ELF1: variants seen among roughly 807,000 people sequenced by gnomAD.
ELF1 encodes the protein ETS-related transcription factor Elf-1.
Under a neutral mutation model 59.9 loss-of-function variants are expected in ELF1, and 24 were observed. The ratio of observed to expected loss-of-function variants is 0.40; its 90% CI spans 0.29 to 0.56. ELF1 has a LOEUF of 0.56. ELF1 is among the 20% of genes least tolerant of loss of function. The probability of loss-of-function intolerance (pLI) is 0.44; values close to 1 mark genes in which losing one functional copy is unlikely to be tolerated. For missense variants in ELF1, 627 were observed against 742.2 expected (o/e 0.84, Z 1.80); for synonymous variants, 248 against 266.2 (o/e 0.93, Z 0.67).
chr13:40,959,482 T>A (rs535565204), intron 2 of ELF1, among the ~76,000 whole-genome samples: 1 of 152,108 alleles, frequency 6.6e-6, no homozygotes, highest in East Asian at 1.9e-4. Flanking sequence ...GGTGACAGAG[T>A]GAGGCTCCTT....
At chr13:41,001,189 C>T (rs567744055) in intron 1 of ELF1, among the ~76,000 whole-genome samples, 22 of 152,172 alleles carry the variant, frequency 1.4e-4, no homozygotes, top group African/African-American at 5.1e-4. Flanking sequence ...GTTGGCCAGG[C>T]TGGTCTTGAA....
Position 40,933,546 on chromosome 13 carries a change from T to C in ELF1, c.1739A>G (p.Glu580Gly), listed in dbSNP as rs753290056. ...EKKESEDHLK[E>G]NTEKTEQQPQ... is the part of the protein sequence containing the mutation. ...CTGCTGCTCCGTTTTCTCAGTGTTC[T>C]CTTTCAAATGATCTTCAGATTCCTT... The change falls in exon 9 of 9, where the codon GAG (glutamate) becomes GGG (glycine). Residue 580 changes from glutamate to glycine, a missense_variant. Around this residue, in one of 3 missense-constraint regions of ELF1, gnomAD observed 361 missense variants for 396.1 expected, o/e 0.91. Coordinates refer to ENST00000239882, the MANE Select transcript of ELF1 (RefSeq NM_172373.4). The C allele has an allele frequency of 1.2e-6, 2 of 1,614,154 alleles. No homozygotes were observed. Among genetic ancestry groups the C allele is most frequent in the East Asian group, 2.2e-5 (1 of 44,906 alleles).
chr13:40,947,035 T>C (rs1434468794), intron 5 of ELF1, among the ~76,000 whole-genome samples: 1 of 151,894 alleles, frequency 6.6e-6, no homozygotes, highest in African/African-American at 2.4e-5. Flanking sequence ...GTACCAATCG[T>C]ATATTGTTTT....
At position 41,055,986 on chromosome 13, in the gene ELF1, T is replaced by C. The variant is rs189096079; in HGVS notation, c.-229+4852A>G. ...AATATTCTATATGCTTTTTATTGCTTCAATCCCTTTTAAGAGTTTAGTCGA... is the reference window on the plus strand; with the variant it reads ...AATATTCTATATGCTTTTTATTGCTCCAATCCCTTTTAAGAGTTTAGTCGA... On this transcript the variant is annotated intron_variant, in intron 1 of 1. Coordinates refer to the ELF1 transcript ENST00000405737. Among the ~76,000 whole-genome samples, 5 of 152,352 alleles carry C rather than the reference T, an allele frequency of 3.3e-5. No individual in the cohort carries two copies. The East Asian group carries it at 7.7e-4, about 23-fold the overall frequency.
rs9562248 is a variant in ELF1 at position 40,941,232 on chromosome 13, T to A, written c.945A>T (p.Leu315=). The stretch of plus-strand genomic sequence containing the variant: ...TCCTATTTGAAGTGGCTGATGAAGA[T>A]AGCGATGGATCTGAAGACTCTATGC... The part of the protein sequence containing the change: ...SSSIESSDPS[L]SSSATSNRNQ... The change falls in exon 8 of 9, where the codon CTA becomes CTT. Residue 315 remains leucine, a synonymous_variant. Coordinates refer to ENST00000239882, the MANE Select transcript of ELF1 (RefSeq NM_172373.4). 1.2e-6 allele frequency: 2 copies of A among 1,614,180 alleles called. No homozygotes were observed. The highest frequency in any genetic ancestry group is 2.7e-5 in the African/African-American group (2 of 75,046).
At chr13:40,948,264 T>G (rs1347696439) in intron 5 of ELF1, among the ~76,000 whole-genome samples, 1 of 152,218 alleles carries the variant, frequency 6.6e-6, no homozygotes, top group African/African-American at 2.4e-5. Context: ...CCAGAATTTC[T>G]CCACTCAGAG....
At chr13:41,052,693 G>A (rs1210639364) in intron 1 of ELF1, among the ~76,000 whole-genome samples, 1 of 152,042 alleles carries the variant, frequency 6.6e-6, no homozygotes, top group African/African-American at 2.4e-5. Context: ...TCCAGCCTGG[G>A]AGACAGAGAG....
intron 2 of ELF1, among the ~76,000 whole-genome samples, chr13:40,968,721 C>CTTTTTTTTT (rs35089615): frequency 7.3e-6 from 1 of 137,378 alleles, no homozygotes; most frequent in African/African-American, 2.7e-5. Context: ...TTTCTATATT[C>CTTTTTTTTT]TTTTTTTTTT....
At chr13:41,022,585 C>G (rs995711352), upstream of ELF1, among the ~76,000 whole-genome samples, 9 of 152,094 alleles carry the variant, frequency 5.9e-5, no homozygotes, top group Non-Finnish European at 1.0e-4. Flanking sequence ...CTGATTTTAA[C>G]AAAAAGAAAT....
chr13:40,945,969 A>C (rs1379472919), intron 5 of ELF1, among the ~76,000 whole-genome samples: 1 of 152,042 alleles, frequency 6.6e-6, no homozygotes, highest in South Asian at 2.1e-4. Context: ...TCAGCCTCCC[A>C]AGTAGCTGGG....
In ELF1 at chr13:40,940,386, GAA is replaced by G. The variant is rs375400990; in HGVS notation, c.1256+533_1256+534del. On this transcript the variant is annotated intron_variant, in intron 8 of 8. Transcript: ENST00000239882. Reference sequence around the variant, plus strand: ...GCTCTGAGGCAAATCTGATTTAACTGAAAAAAAAAAAAAAAAAAAAAAAAAAA... The same window carrying G: ...GCTCTGAGGCAAATCTGATTTAACTGAAAAAAAAAAAAAAAAAAAAAAAAA... Among the ~76,000 whole-genome samples the G allele has an allele frequency of 7.6e-3, 831 of 109,294 alleles. 13 individuals are homozygous for G. In the East Asian group the frequency reaches 0.11, roughly 15 times the overall value. 71.7% of individuals were successfully genotyped at this position (109,294 alleles called of 152,430 possible).
At chr13:41,060,734 A>G (rs142871021) in intron 1 of ELF1, 62 of 166,396 alleles carry the variant, frequency 3.7e-4, no homozygotes, top group Non-Finnish European at 1.2e-4. Flanking sequence ...AAAATAAGGA[A>G]GCGTTCCCAT....
chr13:41,008,381 T>C (rs1023648608), intron 1 of ELF1, among the ~76,000 whole-genome samples: 2 of 152,156 alleles, frequency 1.3e-5, no homozygotes, highest in Non-Finnish European at 2.9e-5. Context: ...TTGTCACCAA[T>C]TATAAAATGC....
At chr13:40,965,812 ATTCT>A (rs1872141874) in intron 2 of ELF1, among the ~76,000 whole-genome samples, 1 of 152,234 alleles carries the variant, frequency 6.6e-6, no homozygotes, top group Non-Finnish European at 1.5e-5. Flanking sequence ...ATCTAATTAA[ATTCT>A]ACTGGTGCTT....
chr13:41,034,747 T>C (rs368145238), intron 1 of ELF1, among the ~76,000 whole-genome samples: 1 of 151,636 alleles, frequency 6.6e-6, no homozygotes, highest in Non-Finnish European at 1.5e-5. Context: ...GAATAATTTA[T>C]TTTTAAAGGA....
rs1870156286 is a variant in ELF1 at position 40,941,276 on chromosome 13, C to G, written c.901G>C (p.Asp301His). 6.2e-7 allele frequency: 1 copy of G among 1,614,144 alleles called. No homozygotes were observed. Among genetic ancestry groups the G allele is most frequent in the Non-Finnish European group, 8.5e-7 (1 of 1,180,006 alleles). Residue 301 changes from aspartate to histidine, a missense_variant, in exon 8 of 9, where the codon GAT becomes CAT. Coordinates refer to ENST00000239882, the MANE Select transcript of ELF1 (RefSeq NM_172373.4). Reference sequence around the variant, plus strand: ...TCTATGCTGGAACTTGGATCCTCATCATTTATATATATAAGATCTTTTGGC... The same window carrying G: ...TCTATGCTGGAACTTGGATCCTCATGATTTATATATATAAGATCTTTTGGC... ...EMPKDLIYIN[D>H]EDPSSSIESS...
intron 1 of ELF1, among the ~76,000 whole-genome samples, chr13:40,994,798 TAACTTGCAAGTAAACTGTTTC>T (rs1308651889): frequency 6.6e-6 from 1 of 152,228 alleles, no homozygotes; most frequent in East Asian, 1.9e-4. Flanking sequence ...AAACAAGATT[TAACTTGCAAGTAAACTGTTTC>T]ATTTCTGTGA....
chr13:40,935,307 T>C (rs150059242), intron 8 of ELF1, among the ~76,000 whole-genome samples: 2 of 152,332 alleles, frequency 1.3e-5, no homozygotes, highest in Admixed American at 1.3e-4. Context: ...TGAAAGATAC[T>C]TGCTATTTCA....
chr13:40,939,690 G>C (rs1337186461), intron 8 of ELF1, among the ~76,000 whole-genome samples: 1 of 152,110 alleles, frequency 6.6e-6, no homozygotes, highest in African/African-American at 2.4e-5. Flanking sequence ...GAAACTTTTT[G>C]AGCACCAATA....
Sources: gnomAD v4.1 joint callset for allele counts (sites outside exome capture counted in the v4.1 genomes callset) on GRCh38, gnomAD v4.1.1 for gene constraint, gnomAD v4.1.1 regional missense constraint, MANE v1.5 for transcripts, NCBI Gene and HGNC (gene_info 2026-07-23, HGNC 2026-07-21) for gene names.